The following SEC23IP variants were observed in gnomAD, a reference collection of about 807,000 sequenced individuals.
SEC23IP encodes the protein SEC23 interacting protein.
Under a neutral mutation model 113.4 loss-of-function variants are expected in SEC23IP, and 70 were observed. The ratio of observed to expected loss-of-function variants is 0.62; its 90% CI spans 0.51 to 0.75. The LOEUF is 0.75. Ranked by LOEUF, SEC23IP falls within the 30% of genes least tolerant of loss-of-function variation. SEC23IP has a pLI of 0.00. For synonymous variants in SEC23IP, 398 were observed against 421.0 expected, an observed-to-expected ratio of 0.95 and a Z score of 0.67; for missense variants, 1,160 against 1,204.9, an observed-to-expected ratio of 0.96 and a Z score of 0.55.
At chr10:119,915,657 T>G (rs1855025820) in intron 7 of SEC23IP, 91 bp from the exon 8 acceptor site, 1 of 890,290 alleles carries the variant, frequency 1.1e-6, no homozygotes, top group Admixed American at 3.7e-5. Flanking sequence ...TTTATGTTAT[T>G]AAAAATACTG....
chr10:119,903,361 A>G (rs1854560224), intron 3 of SEC23IP, among the ~76,000 whole-genome samples: 4 of 152,156 alleles, frequency 2.6e-5, no homozygotes, highest in African/African-American at 7.2e-5. Flanking sequence ...TCTGTGAAAA[A>G]AGGGTTCCCT....
intron 7 of SEC23IP, among the ~76,000 whole-genome samples, chr10:119,915,446 G>A (rs1281917055): frequency 2.0e-5 from 3 of 152,108 alleles, no homozygotes; most frequent in South Asian, 2.1e-4. Flanking sequence ...GGAGCCTGGA[G>A]CCGGCAGTGT....
In SEC23IP at chr10:119,909,033, C is replaced by T. The variant is rs779600688; in HGVS notation, c.1102-8C>T. 4 of 1,580,554 alleles carry T rather than the reference C, an allele frequency of 2.5e-6. No individual in the cohort carries two copies. The highest frequency in any genetic ancestry group is 2.2e-5 in the East Asian group (1 of 44,668). ...ATGTTGGAATATATGTTGTTTCCCC[C>T]ATTATAGGCTGAATATAAAAAAGCT... On this transcript the variant is annotated splice_polypyrimidine_tract_variant and splice_region_variant and intron_variant, in intron 4 of 18. Transcript: ENST00000369075.
chr10:119,926,037 A>G lies in SEC23IP; in HGVS notation c.2123A>G (p.Lys708Arg). 6.2e-7 allele frequency: 1 copy of G among 1,608,476 alleles called. No individual in the cohort carries two copies. The highest frequency in any genetic ancestry group is 8.5e-7 in the Non-Finnish European group (1 of 1,177,792). Reference sequence around the variant, plus strand: ...TTACTAAATTTTGGTATTTTACAGAAAAAAGCAGCGTCAGAAAAGAAGGCA... The same window carrying G: ...TTACTAAATTTTGGTATTTTACAGAGAAAAGCAGCGTCAGAAAAGAAGGCA... ...NFVEHKAAKL[K>R]KAASEKKAVA... The change falls in exon 13 of 19, where the codon AAA becomes AGA. Residue 708 changes from lysine to arginine, a missense_variant and splice_region_variant. Coordinates refer to ENST00000369075, the MANE Select transcript of SEC23IP (RefSeq NM_007190.4).
Position 119,942,613 on chromosome 10 carries a change from A to G in SEC23IP, c.*2048A>G, listed in dbSNP as rs1855996357. 1 of 152,158 alleles carries G rather than the reference A, an allele frequency of 6.6e-6. No homozygotes were observed. Among genetic ancestry groups the G allele is most frequent in the Admixed American group, 6.6e-5 (1 of 15,258 alleles). The allele number at this position is 152,158 out of a possible 1,614,324, so 9.4% of individuals were successfully genotyped here. ...TAATGCCCTCCTTTTCCCCAGATAA[A>G]GAAAGTCATGTCTGTAGTTATTCCA... is the stretch of plus-strand genomic sequence containing the variant. On this transcript the variant is annotated 3_prime_UTR_variant, in exon 19 of 19. Transcript: ENST00000369075.
At chr10:119,899,868 A>G in intron 2 of SEC23IP, among the ~76,000 whole-genome samples, 1 of 152,246 alleles carries the variant, frequency 6.6e-6, no homozygotes, top group East Asian at 1.9e-4. Context: ...AAGAGTACAA[A>G]GAGCACTCTA....
At chr10:119,898,389 G>A (rs765417063) in intron 1 of SEC23IP, 38 bp from the exon 2 acceptor site, 66 of 1,566,588 alleles carry the variant, frequency 4.2e-5, no homozygotes, top group Non-Finnish European at 5.5e-5. Context: ...GAGTGATAGA[G>A]TACCCTTTAA....
At chr10:119,936,683 G>C (rs958019080) in intron 18 of SEC23IP, among the ~76,000 whole-genome samples, 1 of 151,444 alleles carries the variant, frequency 6.6e-6, no homozygotes, top group African/African-American at 2.4e-5. Flanking sequence ...GGGTATTACT[G>C]ATTAAAAAAT....
At chr10:119,926,921 C>T (rs968567937) in intron 13 of SEC23IP, among the ~76,000 whole-genome samples, 16 of 152,138 alleles carry the variant, frequency 1.1e-4, no homozygotes, top group Non-Finnish European at 2.1e-4. Context: ...GAGTCTTGCT[C>T]TGTTGCACAG....
intron 1 of SEC23IP, among the ~76,000 whole-genome samples, chr10:119,895,620 A>T (rs1854256350): frequency 1.3e-5 from 2 of 152,214 alleles, no homozygotes; most frequent in Non-Finnish European, 2.9e-5. Flanking sequence ...GATGTCCCTT[A>T]GGCCTTCAGG....
Position 119,909,174 on chromosome 10 carries a change from A to G in SEC23IP, c.1191+44A>G, listed in dbSNP as rs547588934. Reference sequence around the variant, plus strand: ...ATTTTAAGGTATTAAGTTCATTTTAATATTTTTCTGTGTATGTTTGATAAA... The same window carrying G: ...ATTTTAAGGTATTAAGTTCATTTTAGTATTTTTCTGTGTATGTTTGATAAA... On this transcript the variant is annotated intron_variant, in intron 5 of 18. Transcript: ENST00000369075. The G allele has an allele frequency of 2.7e-5, 36 of 1,313,748 alleles. 1 individual carries two copies. In the South Asian group the frequency reaches 4.6e-4, roughly 17 times the overall value. The allele number at this position is 1,313,748 out of a possible 1,614,324, so 81.4% of individuals were successfully genotyped here.
chr10:119,894,892 C>CTGTGTGTGTG lies in SEC23IP; in HGVS notation c.163+1982_163+1991dup, dbSNP rs3065498. ...AATGCTTTTGTTTCTTGGAGACAGTCTGTGTGTGTGTGTGTGTGTGTGTGT... is the reference window on the plus strand; with the variant it reads ...AATGCTTTTGTTTCTTGGAGACAGTCTGTGTGTGTGTGTGTGTGTGTGTGTGTGTGTGTGT... On this transcript the variant is annotated intron_variant, in intron 1 of 18. Coordinates refer to ENST00000369075, the MANE Select transcript of SEC23IP (RefSeq NM_007190.4). Among the ~76,000 whole-genome samples the CTGTGTGTGTG allele has an allele frequency of 1.5e-3, 213 of 143,600 alleles. 1 individual carries two copies. The highest frequency in any genetic ancestry group is 2.6e-3 in the Admixed American group (37 of 14,332). The allele number at this position is 143,600 out of a possible 152,430, so 94.2% of individuals were successfully genotyped here. A position where few individuals can be genotyped will look rare whatever the true frequency, so the allele number is the denominator to read the frequency against.
At position 119,941,027 on chromosome 10, in the gene SEC23IP, T is replaced by C. The variant is rs982504500; in HGVS notation, c.*462T>C. On this transcript the variant is annotated 3_prime_UTR_variant, in exon 19 of 19. Coordinates refer to ENST00000369075, the MANE Select transcript of SEC23IP (RefSeq NM_007190.4). ...AACTTGTTGAGAAACTATAGTAATA[T>C]GATTTTTAAGAGATTTATGTTCTAC... 3 of 152,250 alleles carry C rather than the reference T, an allele frequency of 2.0e-5. No individual in the cohort carries two copies. Among genetic ancestry groups the C allele is most frequent in the Admixed American group, 1.3e-4 (2 of 15,290 alleles). The allele number at this position is 152,250 out of a possible 1,614,324, so 9.4% of individuals were successfully genotyped here. A position where few individuals can be genotyped will look rare whatever the true frequency, so the allele number is the denominator to read the frequency against.
chr10:119,908,612 GATTGCCAGCCACCACCAGAAGC>G (rs1470719027), intron 4 of SEC23IP, among the ~76,000 whole-genome samples: 1 of 152,200 alleles, frequency 6.6e-6, no homozygotes, highest in African/African-American at 2.4e-5. Flanking sequence ...GAAAGCCAGA[GATTGCCAGCCACCACCAGAAGC>G]TAGGAAGAGG....
Position 119,921,004 on chromosome 10 carries a change from C to T in SEC23IP, c.2121+20C>T. Reference sequence around the variant, plus strand: ...AAACTGGTAAAGTTCACCTCTGACTCAAGAAAAACTAAAACTCATGGTGTG... The same window carrying T: ...AAACTGGTAAAGTTCACCTCTGACTTAAGAAAAACTAAAACTCATGGTGTG... On this transcript the variant is annotated intron_variant, in intron 12 of 18. Coordinates refer to ENST00000369075, the MANE Select transcript of SEC23IP (RefSeq NM_007190.4). 6.5e-7 allele frequency: 1 copy of T among 1,542,370 alleles called. No individual in the cohort carries two copies.
In SEC23IP at chr10:119,931,800, C is replaced by T. The variant is rs536169073; in HGVS notation, c.2573-333C>T. ...ATCTCCTGACCTCGTGATCCACCCA[C>T]GTCGGCCTCCCAAAGTGCTGGGATT... On this transcript the variant is annotated intron_variant, in intron 15 of 18. Transcript: ENST00000369075. 9.9e-5 allele frequency among the ~76,000 whole-genome samples: 15 copies of T among 152,148 alleles called. No individual in the cohort carries two copies. In the East Asian group the frequency reaches 2.7e-3, roughly 28 times the overall value.
chr10:119,925,153 A>G (rs945570130), intron 12 of SEC23IP, among the ~76,000 whole-genome samples: 11 of 152,172 alleles, frequency 7.2e-5, no homozygotes, highest in Non-Finnish European at 1.6e-4. Flanking sequence ...AAAACAAGAA[A>G]TTGAACATTT....
intron 12 of SEC23IP, among the ~76,000 whole-genome samples, chr10:119,924,126 A>G (rs1855340602): frequency 6.6e-6 from 1 of 152,244 alleles, no homozygotes; most frequent in South Asian, 2.1e-4. Context: ...AACGGTGGAA[A>G]CAGTTACAAG....
intron 5 of SEC23IP, among the ~76,000 whole-genome samples, chr10:119,909,361 C>G (rs1854783659): frequency 6.6e-6 from 1 of 152,024 alleles, no homozygotes. Flanking sequence ...AGGTGCACAC[C>G]TGTGAGAGGC....
Sources: gnomAD v4.1 joint callset for allele counts (sites outside exome capture counted in the v4.1 genomes callset) on GRCh38, gnomAD v4.1.1 for gene constraint, MANE v1.5 for transcripts, NCBI Gene and HGNC (gene_info 2026-07-23, HGNC 2026-07-21) for gene names.